The following TRIO variants were observed in gnomAD, a reference collection of about 807,000 sequenced individuals.
TRIO encodes trio Rho guanine nucleotide exchange factor, also known as triple functional domain protein.
TRIO carries 58 observed loss-of-function variants against 351.9 expected under a neutral mutation model. The observed-to-expected ratio is 0.16, with a 90% confidence interval of 0.13 to 0.21. The LOEUF is 0.21. TRIO is among the 10% of genes least tolerant of loss of function. The pLI is 1.00. For synonymous variants in TRIO, 1,758 were observed against 1,595.7 expected (o/e 1.10, Z -2.42); for missense variants, 3,201 against 4,027.8 (o/e 0.79, Z 5.56).
intron 18 of TRIO, among the ~76,000 whole-genome samples, chr5:14,373,878 C>G (rs887513276): frequency 2.0e-5 from 3 of 152,232 alleles, no homozygotes; most frequent in African/African-American, 7.2e-5. Flanking sequence ...CTCAAGGTCA[C>G]TCCTTAGGCT....
At chr5:14,276,692 C>G (rs1005847744) in intron 2 of TRIO, among the ~76,000 whole-genome samples, 1 of 152,190 alleles carries the variant, frequency 6.6e-6, no homozygotes, top group Non-Finnish European at 1.5e-5. Flanking sequence ...ACAGTTGGTT[C>G]GTTGAAATTT....
chr5:14,359,637 C>A, intron 13 of TRIO, 106 bp downstream of exon 13: 2 of 1,340,364 alleles, frequency 1.5e-6, no homozygotes, highest in East Asian at 2.5e-5. Flanking sequence ...GTGTCCTCAC[C>A]CACACCCCAA....
chr5:14,352,959 G>T (rs1743274628), intron 11 of TRIO, among the ~76,000 whole-genome samples: 1 of 151,936 alleles, frequency 6.6e-6, no homozygotes, highest in African/African-American at 2.4e-5. Flanking sequence ...GCTTCCCCTA[G>T]AATTGAGAGG....
chr5:14,497,065 A>C lies in TRIO; in HGVS notation c.8019+48A>C. ...GTCCGTGTCATCCCAGCATGAGAGA[A>C]AGGATCAGGGAGGGCAGAGACTCTG... is the stretch of plus-strand genomic sequence containing the variant. On this transcript the variant is annotated intron_variant, in intron 50 of 56. Coordinates refer to ENST00000344204, the MANE Select transcript of TRIO (RefSeq NM_007118.4). This position sits in a 1 kb window ranked among gnomAD's most constrained non-coding sequence, Gnocchi z 4.4. 3 of 1,606,536 alleles carry C rather than the reference A, an allele frequency of 1.9e-6. No individual in the cohort carries two copies. In the South Asian group the frequency reaches 3.3e-5, roughly 18 times the overall value.
intron 53 of TRIO, among the ~76,000 whole-genome samples, chr5:14,501,949 G>A (rs570136162): frequency 3.9e-5 from 6 of 152,342 alleles, no homozygotes; most frequent in African/African-American, 1.4e-4. Flanking sequence ...GAAGACTCTT[G>A]AAAGGATGCT....
At chr5:14,240,814 G>C (rs568642377) in intron 1 of TRIO, among the ~76,000 whole-genome samples, 1 of 152,308 alleles carries the variant, frequency 6.6e-6, no homozygotes, top group Non-Finnish European at 1.5e-5. Flanking sequence ...TATTTGAAAG[G>C]ATATGAAATT....
chr5:14,228,973 G>A (rs1284573516), intron 1 of TRIO, among the ~76,000 whole-genome samples: 3 of 152,296 alleles, frequency 2.0e-5, no homozygotes, highest in Middle Eastern at 3.4e-3. Context: ...AGAATTTTAG[G>A]TATGTGTTCA....
At chr5:14,211,090 A>T (rs950132123) in intron 1 of TRIO, among the ~76,000 whole-genome samples, 3 of 152,250 alleles carry the variant, frequency 2.0e-5, no homozygotes, top group African/African-American at 7.2e-5. Context: ...TCATAATAAA[A>T]GTCACATTAT....
At position 14,217,099 on chromosome 5, in the gene TRIO, C is replaced by T. The variant is rs571666433; in HGVS notation, c.158-53726C>T. Among the ~76,000 whole-genome samples the T allele has an allele frequency of 4.5e-4, 69 of 152,312 alleles. 1 individual carries two copies. Among genetic ancestry groups the T allele is most frequent in the African/African-American group, 1.5e-3 (62 of 41,572 alleles). Reference sequence around the variant, plus strand: ...TCCAGCACGATGCCCCATGCGTCACCGAGTTCTCTGATCACCGGTCTTTTA... The same window carrying T: ...TCCAGCACGATGCCCCATGCGTCACTGAGTTCTCTGATCACCGGTCTTTTA... On this transcript the variant is annotated intron_variant, in intron 1 of 56. Coordinates refer to ENST00000344204, the MANE Select transcript of TRIO (RefSeq NM_007118.4).
At chr5:14,190,187 G>C (rs952405250) in intron 1 of TRIO, among the ~76,000 whole-genome samples, 2 of 152,160 alleles carry the variant, frequency 1.3e-5, no homozygotes, top group African/African-American at 4.8e-5. Flanking sequence ...CTATTCCAAA[G>C]GAATTGCTTC....
chr5:14,497,869 A>C lies in TRIO; in HGVS notation c.8042A>C (p.Tyr2681Ser), dbSNP rs764872076. Residue 2681 changes from tyrosine (Y) to serine (S), a missense_variant, in exon 51 of 57, where the codon TAT (tyrosine) becomes TCT (serine). Tyr to Ser is a moderately radical substitution (Grantham distance 144). This residue lies in a region of TRIO where 1,089 missense variants were observed against 954.9 expected (regional missense o/e 1.14). Transcript: ENST00000344204. This position sits in a 1 kb window ranked among gnomAD's most constrained non-coding sequence, Gnocchi z 4.4. ...CAGCTTCTCAATCCCAACTACATTT[A>C]TGACGGTGAGTTCTGTTCTTTTTCT... is the stretch of plus-strand genomic sequence containing the variant. ...SVKLLNPNYI[Y>S]DVPPEFVIPL... 1 of 1,614,234 alleles carries C rather than the reference A, an allele frequency of 6.2e-7. No individual in the cohort carries two copies. Among genetic ancestry groups the C allele is most frequent in the Non-Finnish European group, 8.5e-7 (1 of 1,180,046 alleles).
chr5:14,279,493 T>C (rs898467340), intron 2 of TRIO, among the ~76,000 whole-genome samples: 3 of 152,218 alleles, frequency 2.0e-5, no homozygotes, highest in African/African-American at 4.8e-5. Flanking sequence ...TAAAACTAAA[T>C]GAAGGATCCA....
chr5:14,460,868 C>A, intron 34 of TRIO, 151 bp from the exon 35 acceptor site: 1 of 821,890 alleles, frequency 1.2e-6, no homozygotes, highest in South Asian at 2.1e-5. Flanking sequence ...TGTAAAGCAT[C>A]AGCCCCTGTC....
chr5:14,308,649 TCA>T (rs1738605343), intron 8 of TRIO, among the ~76,000 whole-genome samples: 1 of 139,264 alleles, frequency 7.2e-6, no homozygotes. Context: ...CACCCATTCA[TCA>T]TCCATCCATC....
chr5:14,415,935 C>T (rs1423405305), intron 33 of TRIO, among the ~76,000 whole-genome samples: 2 of 151,604 alleles, frequency 1.3e-5, no homozygotes, highest in African/African-American at 4.9e-5. Context: ...ATATGAATCT[C>T]GCAAGTGTTA....
chr5:14,483,005 T>C (rs1007096402), intron 46 of TRIO, among the ~76,000 whole-genome samples: 3 of 152,224 alleles, frequency 2.0e-5, no homozygotes, highest in Admixed American at 6.5e-5. Context: ...ATTCTTACCA[T>C]GATGAGAACT....
chr5:14,316,398 G>A, intron 8 of TRIO, 115 bp from the exon 9 acceptor site: 1 of 993,880 alleles, frequency 1.0e-6, no homozygotes, highest in Non-Finnish European at 1.5e-6. Context: ...TGTAATGTGT[G>A]TACATGTACG....
Position 14,482,792 on chromosome 5 carries a change from T to G in TRIO, c.6657+19T>G. The G allele has an allele frequency of 6.6e-7, 1 of 1,525,620 alleles. No individual in the cohort carries two copies. Among genetic ancestry groups the G allele is most frequent in the Non-Finnish European group, 8.9e-7 (1 of 1,127,090 alleles). The allele number at this position is 1,525,620 out of a possible 1,614,324, so 94.5% of individuals were successfully genotyped here. A position where few individuals can be genotyped will look rare whatever the true frequency, so the allele number is the denominator to read the frequency against. On this transcript the variant is annotated intron_variant, in intron 46 of 56. Coordinates refer to ENST00000344204, the MANE Select transcript of TRIO (RefSeq NM_007118.4). Reference sequence around the variant, plus strand: ...TATCAAGGTAACGTGTGTCTCTGTGTGATTTCTCTGTGCCAGCGCATGTAC... The same window carrying G: ...TATCAAGGTAACGTGTGTCTCTGTGGGATTTCTCTGTGCCAGCGCATGTAC...
intron 1 of TRIO, among the ~76,000 whole-genome samples, chr5:14,261,083 G>C (rs1360315473): frequency 2.0e-5 from 3 of 152,174 alleles, no homozygotes; most frequent in Non-Finnish European, 4.4e-5. Flanking sequence ...TTGAGTTTTA[G>C]GGCCGGCAGG....
Sources: allele counts gnomAD v4.1 joint callset (sites outside exome capture counted in the v4.1 genomes callset), GRCh38; gene constraint gnomAD v4.1.1; regional missense constraint gnomAD v4.1.1; non-coding constraint Gnocchi (gnomAD v3.1); transcripts MANE v1.5; gene names NCBI Gene and HGNC (gene_info 2026-07-23, HGNC 2026-07-21).